The following AGAP1 variants were observed in gnomAD, a reference collection of about 807,000 sequenced individuals.
AGAP1 encodes the protein arf-GAP with GTPase, ANK repeat and PH domain-containing protein 1.
Under a neutral mutation model 105.3 loss-of-function variants are expected in AGAP1, and 29 were observed. The ratio of observed to expected loss-of-function variants is 0.28; its 90% confidence interval spans 0.21 to 0.38. The LOEUF (loss-of-function observed/expected upper bound fraction) is 0.38. Ranked by LOEUF, AGAP1 falls within the 10% of genes least tolerant of loss-of-function variation. The pLI is 1.00. For synonymous variants in AGAP1, 509 were observed against 485.9 expected (o/e 1.05, Z -0.63); for missense variants, 998 against 1,165.1 (o/e 0.86, Z 2.09).
rs185611973 is a variant in AGAP1, at chr2:235,981,986, A to C, written c.1645+13363A>C. Among the ~76,000 whole-genome samples the C allele has an allele frequency of 1.3e-5, 2 of 152,304 alleles. No homozygotes were observed. The highest frequency in any genetic ancestry group is 2.9e-5 in the Non-Finnish European group (2 of 68,022). Reference sequence around the variant, plus strand: ...AAGGGGTTTTATTATGGGTTATCTGAAGAGTGTTTCTTAATTTTAATAAGT... The same window carrying C: ...AAGGGGTTTTATTATGGGTTATCTGCAGAGTGTTTCTTAATTTTAATAAGT... On this transcript the variant is annotated intron_variant, in intron 13 of 17. Coordinates refer to ENST00000304032, the MANE Select transcript of AGAP1 (RefSeq NM_001037131.3). This position sits in a 1 kb window ranked among gnomAD's most constrained non-coding sequence, Gnocchi z 5.5.
At position 235,549,935 on chromosome 2, in the gene AGAP1, G is replaced by T. The variant is rs1943751637; in HGVS notation, c.163+55086G>T. ...GGGACGTTTTCGGATGACCACAGGT[G>T]TGAAGCTGTCTTCAGTGGTGGGGGA... On this transcript the variant is annotated intron_variant, in intron 1 of 17. Transcript: ENST00000304032. This position sits in a 1 kb window ranked among gnomAD's most constrained non-coding sequence, Gnocchi z 4.2. Among the ~76,000 whole-genome samples the T allele has an allele frequency of 6.6e-6, 1 of 152,206 alleles. No homozygotes were observed. Among genetic ancestry groups the T allele is most frequent in the Non-Finnish European group, 1.5e-5 (1 of 68,036 alleles).
chr2:236,039,053 T>A (rs1022280663), intron 14 of AGAP1, among the ~76,000 whole-genome samples: 1 of 152,218 alleles, frequency 6.6e-6, no homozygotes, highest in Non-Finnish European at 1.5e-5. Flanking sequence ...GAAGAATTCT[T>A]ACGCAAAAAT....
At chr2:235,809,873 A>G (rs1021955419) in intron 9 of AGAP1, among the ~76,000 whole-genome samples, 3 of 152,176 alleles carry the variant, frequency 2.0e-5, no homozygotes, top group Non-Finnish European at 2.9e-5. Flanking sequence ...CAATTAAATG[A>G]GTGCTTATTA....
At chr2:235,837,918 C>G (rs1405290616) in intron 9 of AGAP1, among the ~76,000 whole-genome samples, 3 of 152,104 alleles carry the variant, frequency 2.0e-5, no homozygotes, top group Admixed American at 1.3e-4. Flanking sequence ...GGTGGTGGCT[C>G]ACACCTGTAG....
intron 16 of AGAP1, among the ~76,000 whole-genome samples, chr2:236,106,447 G>C (rs1242257173): frequency 2.6e-5 from 4 of 152,228 alleles, no homozygotes; most frequent in African/African-American, 7.2e-5. Flanking sequence ...TGCCACCCGG[G>C]CTGTCGTGTG....
rs1949621444 is a variant in AGAP1, at chr2:235,689,240, C to T, written c.164-19939C>T. Among the ~76,000 whole-genome samples, 1 of 152,172 alleles carries T rather than the reference C, an allele frequency of 6.6e-6. No individual in the cohort carries two copies. Among genetic ancestry groups the T allele is most frequent in the Non-Finnish European group, 1.5e-5 (1 of 68,042 alleles). ...TTGGACACTCTTCATTCGCTAGCACCGAGATGGTTCAGGGCACTTTGGAGC... is the reference window on the plus strand; with the variant it reads ...TTGGACACTCTTCATTCGCTAGCACTGAGATGGTTCAGGGCACTTTGGAGC... On this transcript the variant is annotated intron_variant, in intron 1 of 17. Transcript: ENST00000304032. This position sits in a 1 kb window ranked among gnomAD's most constrained non-coding sequence, Gnocchi z 4.2.
intron 10 of AGAP1, among the ~76,000 whole-genome samples, chr2:235,895,820 G>A (rs1325002701): frequency 1.3e-5 from 2 of 152,124 alleles, no homozygotes; most frequent in South Asian, 2.1e-4. Flanking sequence ...CTAAAACCTC[G>A]TGGAAGGAAT....
Position 236,125,026 on chromosome 2 carries a change from C to T in AGAP1, c.*904C>T, listed in dbSNP as rs901928674. On this transcript the variant is annotated 3_prime_UTR_variant, in exon 18 of 18. Coordinates refer to ENST00000304032, the MANE Select transcript of AGAP1 (RefSeq NM_001037131.3). This position sits in a 1 kb window ranked among gnomAD's most constrained non-coding sequence, Gnocchi z 5.2. ...AATAACTCAGAAACTCAAAAGGAAA[C>T]CACAAATTCAGCTAATAATAGCATT... 4 of 166,714 alleles carry T rather than the reference C, an allele frequency of 2.4e-5. No individual in the cohort carries two copies. The highest frequency in any genetic ancestry group is 5.9e-5 in the Non-Finnish European group (4 of 68,120). The allele number at this position is 166,714 out of a possible 1,614,324, so 10.3% of individuals were successfully genotyped here.
chr2:235,604,776 G>A (rs1240633425), intron 1 of AGAP1, among the ~76,000 whole-genome samples: 14 of 151,462 alleles, frequency 9.2e-5, no homozygotes, highest in Admixed American at 7.9e-4. Flanking sequence ...TAGAGATGGG[G>A]TTTCACCATG....
chr2:235,826,582 T>C (rs999354014), intron 9 of AGAP1, among the ~76,000 whole-genome samples: 1 of 152,070 alleles, frequency 6.6e-6, no homozygotes, highest in East Asian at 1.9e-4. Context: ...CCCAAGTAGC[T>C]GGGATTACAG....
chr2:235,925,323 A>G (rs1159326278), intron 11 of AGAP1, among the ~76,000 whole-genome samples: 2 of 151,558 alleles, frequency 1.3e-5, no homozygotes, highest in Non-Finnish European at 2.9e-5. Context: ...TGGTGCGCAG[A>G]GTTTTCCCAC....
In AGAP1 at chr2:235,750,322, C is replaced by T; in HGVS notation, c.539-32C>T. On this transcript the variant is annotated intron_variant, in intron 5 of 17. Transcript: ENST00000304032. This position sits in a 1 kb window ranked among gnomAD's most constrained non-coding sequence, Gnocchi z 5.3. Reference sequence around the variant, plus strand: ...GAAGTATTTAGAGCTGTCATTGTCACTGTGCCGTTACTTTTTGGTCTTCTG... The same window carrying T: ...GAAGTATTTAGAGCTGTCATTGTCATTGTGCCGTTACTTTTTGGTCTTCTG... 6.2e-7 allele frequency: 1 copy of T among 1,613,458 alleles called. No homozygotes were observed. The highest frequency in any genetic ancestry group is 8.5e-7 in the Non-Finnish European group (1 of 1,179,478).
At chr2:235,584,067 T>C (rs1170117718) in intron 1 of AGAP1, among the ~76,000 whole-genome samples, 1 of 152,026 alleles carries the variant, frequency 6.6e-6, no homozygotes, top group Non-Finnish European at 1.5e-5. Context: ...AACATAGTAG[T>C]GGCACAGCCT....
At chr2:235,841,123 G>T (rs1960779631) in intron 9 of AGAP1, among the ~76,000 whole-genome samples, 1 of 152,130 alleles carries the variant, frequency 6.6e-6, no homozygotes, top group Admixed American at 6.5e-5. Flanking sequence ...CGGCGGCAGG[G>T]CTATGAACGA....
rs912854607 is a variant in AGAP1, at chr2:235,723,314, G to A, written c.310+5670G>A. On this transcript the variant is annotated intron_variant, in intron 3 of 17. Coordinates refer to ENST00000304032, the MANE Select transcript of AGAP1 (RefSeq NM_001037131.3). This position sits in a 1 kb window ranked among gnomAD's most constrained non-coding sequence, Gnocchi z 6.2. Reference sequence around the variant, plus strand: ...TGTGTTTATGTGCTTAATATTCAGCGTCCCCCAACACAGACCCCACATGAT... The same window carrying A: ...TGTGTTTATGTGCTTAATATTCAGCATCCCCCAACACAGACCCCACATGAT... 2.6e-5 allele frequency among the ~76,000 whole-genome samples: 4 copies of A among 152,058 alleles called. No homozygotes were observed. Among genetic ancestry groups the A allele is most frequent in the African/African-American group, 4.8e-5 (2 of 41,390 alleles).
chr2:235,981,924 T>TCTA lies in AGAP1; in HGVS notation c.1645+13302_1645+13304dup, dbSNP rs1205933898. On this transcript the variant is annotated intron_variant, in intron 13 of 17. Coordinates refer to ENST00000304032, the MANE Select transcript of AGAP1 (RefSeq NM_001037131.3). This position sits in a 1 kb window ranked among gnomAD's most constrained non-coding sequence, Gnocchi z 5.5. ...GGTCTTGCCTCCGAATCTTGGCTTG[T>TCTA]CTAGGATTCTTCCTACAGAAGAAGT... Among the ~76,000 whole-genome samples the TCTA allele has an allele frequency of 1.3e-5, 2 of 152,198 alleles. No homozygotes were observed. The highest frequency in any genetic ancestry group is 2.9e-5 in the Non-Finnish European group (2 of 68,024).
At chr2:235,512,080 CGTGTGTGAATGTGTGT>C (rs1942164236) in intron 1 of AGAP1, among the ~76,000 whole-genome samples, 1 of 68,730 alleles carries the variant, frequency 1.5e-5, no homozygotes, top group African/African-American at 7.0e-5. Context: ...AATGTGAATG[CGTGTGTGAATGTGTGT>C]GTGTGTGAAT....
intron 1 of AGAP1, among the ~76,000 whole-genome samples, chr2:235,694,823 T>G (rs1386230173): frequency 1.3e-5 from 2 of 152,014 alleles, no homozygotes; most frequent in Non-Finnish European, 2.9e-5. Flanking sequence ...TATGGGTGAT[T>G]AGGAAGCAAA....
chr2:235,551,038 T>C lies in AGAP1; in HGVS notation c.163+56189T>C, dbSNP rs1943791350. Among the ~76,000 whole-genome samples the C allele has an allele frequency of 6.6e-6, 1 of 152,142 alleles. No homozygotes were observed. Among genetic ancestry groups the C allele is most frequent in the Non-Finnish European group, 1.5e-5 (1 of 68,030 alleles). ...ATCCACCCACCTCGGCCTCTGAAAGTGCTGGGATTACAGGCGTGAGCCACC... is the reference window on the plus strand; with the variant it reads ...ATCCACCCACCTCGGCCTCTGAAAGCGCTGGGATTACAGGCGTGAGCCACC... On this transcript the variant is annotated intron_variant, in intron 1 of 17. Coordinates refer to ENST00000304032, the MANE Select transcript of AGAP1 (RefSeq NM_001037131.3). This position sits in a 1 kb window ranked among gnomAD's most constrained non-coding sequence, Gnocchi z 4.8.
Sources: allele counts gnomAD v4.1 joint callset (sites outside exome capture counted in the v4.1 genomes callset), GRCh38; gene constraint gnomAD v4.1.1; non-coding constraint Gnocchi (gnomAD v3.1); transcripts MANE v1.5; gene names NCBI Gene and HGNC (gene_info 2026-07-23, HGNC 2026-07-21).